CCNH: variants seen among roughly 807,000 people sequenced by gnomAD.
The protein encoded by CCNH is cyclin-H.
Under a neutral mutation model 41.9 loss-of-function variants are expected in CCNH, and 31 were observed. The ratio of observed to expected loss-of-function variants is 0.74; its 90% CI spans 0.56 to 1.00. The LOEUF (loss-of-function observed/expected upper bound fraction) is 1.00, where lower values mean the gene tolerates loss of function less well. Ranked by LOEUF, CCNH falls within the 50% of genes least tolerant of loss-of-function variation. The pLI, the probability that CCNH is intolerant of heterozygous loss-of-function variation, is 0.00. For synonymous variants in CCNH, 138 were observed against 136.1 expected, an observed-to-expected ratio of 1.01 and a Z score of -0.10; for missense variants, 362 against 388.4, an observed-to-expected ratio of 0.93 and a Z score of 0.57.
intron 9 of CCNH, among the ~76,000 whole-genome samples, chr5:87,365,023 T>C (rs1165683918): frequency 6.6e-6 from 1 of 152,152 alleles, no homozygotes; most frequent in African/African-American, 2.4e-5. Flanking sequence ...TGTAGTTTAT[T>C]ATCGTGAAAA....
Position 87,361,628 on chromosome 5 carries a change from C to T in CCNH, c.*90+31142G>A, listed in dbSNP as rs1046440089. Among the ~76,000 whole-genome samples, 4 of 152,050 alleles carry T rather than the reference C, an allele frequency of 2.6e-5. No individual in the cohort carries two copies. The East Asian group carries it at 7.7e-4, about 29-fold the overall frequency. On this transcript the variant is annotated intron_variant and NMD_transcript_variant, in intron 9 of 9. Coordinates refer to the CCNH transcript ENST00000645953. ...CTGGAAAGATCATGATAAAGGCATC[C>T]TGATATAATTCTTTTCCTCAGGAGA...
At chr5:87,320,662 C>G (rs1247113792) in intron 9 of CCNH, among the ~76,000 whole-genome samples, 1 of 152,190 alleles carries the variant, frequency 6.6e-6, no homozygotes, top group Non-Finnish European at 1.5e-5. Context: ...CACCTACCAC[C>G]AGGTCCCTCC....
rs761101703 is a variant in CCNH at position 87,331,388 on chromosome 5, C to T, written c.*91-12491G>A. Reference sequence around the variant, plus strand: ...ACTTGACAGAACGATAGCAGAAGAACGCCTCAGGCAGGCAGGGAAGTCTGG... The same window carrying T: ...ACTTGACAGAACGATAGCAGAAGAATGCCTCAGGCAGGCAGGGAAGTCTGG... On this transcript the variant is annotated intron_variant and NMD_transcript_variant, in intron 9 of 9. Transcript: ENST00000645953. 1.2e-6 allele frequency: 2 copies of T among 1,612,250 alleles called. No individual in the cohort carries two copies. Among genetic ancestry groups the T allele is most frequent in the African/African-American group, 1.3e-5 (1 of 74,860 alleles).
intron 7 of CCNH, among the ~76,000 whole-genome samples, chr5:87,396,087 T>C (rs1407142704): frequency 6.6e-6 from 1 of 152,214 alleles, no homozygotes; most frequent in Admixed American, 6.5e-5. Context: ...ACAGAATTTT[T>C]TCTTATTATT....
intron 9 of CCNH, chr5:87,366,306 TGAA>T: frequency 2.7e-6 from 1 of 368,000 alleles, no homozygotes; most frequent in Non-Finnish European, 5.6e-6. Flanking sequence ...TCTGTAAGAT[TGAA>T]GAAAAGCTTT....
downstream of CCNH, chr5:87,376,124 T>A: frequency 6.2e-6 from 3 of 485,668 alleles, no homozygotes; most frequent in East Asian, 3.9e-5. Flanking sequence ...GAAACATAAT[T>A]GATTTCTTGC....
chr5:87,374,792 T>A (rs1278728769), downstream of CCNH: 1 of 1,602,766 alleles, frequency 6.2e-7, no homozygotes, highest in South Asian at 1.1e-5. Flanking sequence ...AATAAGGTAG[T>A]TTGATGCCAA....
intron 9 of CCNH, among the ~76,000 whole-genome samples, chr5:87,341,721 G>GTT (rs1309055793): frequency 1.4e-5 from 2 of 147,990 alleles, no homozygotes; most frequent in Non-Finnish European, 3.0e-5. Flanking sequence ...ATTCAGCAAG[G>GTT]TCTTTTTTTT....
chr5:87,400,498 C>T (rs1209284494), intron 6 of CCNH, among the ~76,000 whole-genome samples: 1 of 152,118 alleles, frequency 6.6e-6, no homozygotes, highest in Non-Finnish European at 1.5e-5. Context: ...AGTCAAATCA[C>T]AATTAGCTTT....
intron 9 of CCNH, among the ~76,000 whole-genome samples, chr5:87,365,770 T>G (rs1255365166): frequency 6.6e-6 from 1 of 152,154 alleles, no homozygotes; most frequent in Non-Finnish European, 1.5e-5. Flanking sequence ...GCTAAATTTT[T>G]TTTTAATACT....
At chr5:87,400,901 G>A (rs1195814406) in intron 6 of CCNH, among the ~76,000 whole-genome samples, 1 of 152,200 alleles carries the variant, frequency 6.6e-6, no homozygotes, top group Non-Finnish European at 1.5e-5. Context: ...AAGTAAAGTA[G>A]AGATTCTACT....
intron 9 of CCNH, among the ~76,000 whole-genome samples, chr5:87,338,704 G>A (rs1425171623): frequency 8.7e-5 from 13 of 150,116 alleles, no homozygotes; most frequent in African/African-American, 2.7e-4. Context: ...TTTTTTTGCC[G>A]TCCTTTTCTT....
intron 6 of CCNH, among the ~76,000 whole-genome samples, chr5:87,399,825 CT>C (rs1445661914): frequency 6.6e-6 from 1 of 152,064 alleles, no homozygotes; most frequent in African/African-American, 2.4e-5. Flanking sequence ...AAAAAAATCC[CT>C]AAATGATTTA....
At chr5:87,378,923 G>A (rs951096258), upstream of CCNH, among the ~76,000 whole-genome samples, 49 of 152,058 alleles carry the variant, frequency 3.2e-4, no homozygotes, top group African/African-American at 1.1e-3. Flanking sequence ...GTTTTTTTGC[G>A]AGGGGAGAAT....
At chr5:87,391,385 T>C (rs1346990571), downstream of CCNH, 1 of 255,256 alleles carries the variant, frequency 3.9e-6, no homozygotes, top group African/African-American at 2.2e-5. Context: ...GTATTTACAG[T>C]TTCCAGAGTT....
rs1757679644 is a variant in CCNH, at chr5:87,332,582, C to T, written c.*91-13685G>A. ...CACTGTCAGACCTAATAGGTTATTA[C>T]AGTCATGTTTCTTGTTTGCTTAAAG... On this transcript the variant is annotated intron_variant and NMD_transcript_variant, in intron 9 of 9. Transcript: ENST00000645953. The T allele has an allele frequency of 1.2e-6, 2 of 1,609,620 alleles. No homozygotes were observed. The highest frequency in any genetic ancestry group is 1.3e-5 in the African/African-American group (1 of 74,764).
chr5:87,375,334 C>A (rs1761251447), downstream of CCNH, among the ~76,000 whole-genome samples: 3 of 148,470 alleles, frequency 2.0e-5, no homozygotes, highest in Admixed American at 6.7e-5. Flanking sequence ...GATCTCGGCT[C>A]ACTGCAACCT....
At chr5:87,329,421 G>A (rs1193631818) in intron 9 of CCNH, among the ~76,000 whole-genome samples, 1 of 152,036 alleles carries the variant, frequency 6.6e-6, no homozygotes, top group Non-Finnish European at 1.5e-5. Flanking sequence ...CAGCCTGGGC[G>A]ACAGAGTGAG....
At chr5:87,406,387 T>A (rs187077228) in intron 4 of CCNH, among the ~76,000 whole-genome samples, 1 of 152,198 alleles carries the variant, frequency 6.6e-6, no homozygotes, top group Admixed American at 6.5e-5. Context: ...ACAAAAAAAC[T>A]CTCACCCAGT....
Sources: gnomAD v4.1 joint callset for allele counts (sites outside exome capture counted in the v4.1 genomes callset) on GRCh38, gnomAD v4.1.1 for gene constraint, MANE v1.5 for transcripts, NCBI Gene and HGNC (gene_info 2026-07-23, HGNC 2026-07-21) for gene names.